The following YIF1B variants were observed in gnomAD, a reference collection of about 807,000 sequenced individuals.
YIF1B encodes the protein Yip1 interacting factor homolog B, membrane trafficking protein.
In YIF1B, 24 loss-of-function variants were observed where a neutral mutation model predicts 34.6. The observed-to-expected ratio is 0.69, with a 90% CI of 0.50 to 0.98. YIF1B has a LOEUF of 0.98. YIF1B is among the 50% of genes least tolerant of loss of function. YIF1B has a pLI of 0.00. For missense variants in YIF1B, 368 were observed against 429.4 expected, an observed-to-expected ratio of 0.86 and a Z score of 1.26; for synonymous variants, 186 against 184.8, an observed-to-expected ratio of 1.01 and a Z score of -0.05.
intron 5 of YIF1B, among the ~76,000 whole-genome samples, chr19:38,308,207 G>A (rs985002431): frequency 2.6e-5 from 4 of 152,218 alleles, no homozygotes; most frequent in Non-Finnish European, 4.4e-5. Context: ...AGGCTTCCCG[G>A]AGGAGGTGAT....
At position 38,312,729 on chromosome 19, in the gene YIF1B, C is replaced by T. The variant is rs1969372858; in HGVS notation, c.59-3086G>A. Among the ~76,000 whole-genome samples the T allele has an allele frequency of 2.0e-5, 3 of 152,228 alleles. No individual in the cohort carries two copies. The South Asian group carries it at 6.2e-4, about 31-fold the overall frequency. ...CACCTGGATGTTCTCATCTACACAA[C>T]GGAGTTAACTGTCCCACCTTGCAGA... On this transcript the variant is annotated intron_variant, in intron 1 of 7. Coordinates refer to ENST00000339413, the MANE Select transcript of YIF1B (RefSeq NM_001039672.3).
chr19:38,304,395 A>G lies in YIF1B; in HGVS notation c.*957T>C, dbSNP rs762121560. 3.2e-6 allele frequency: 5 copies of G among 1,576,896 alleles called. No individual in the cohort carries two copies. The African/African-American group carries it at 4.0e-5, about 13-fold the overall frequency. ...CACAGCCCTGGAGCCCACCTCCCAG[A>G]AGCCCGGTGTGGGGGCGGGCCACGG... On this transcript the variant is annotated 3_prime_UTR_variant, in exon 8 of 8. Transcript: ENST00000339413.
intron 5 of YIF1B, 75 bp downstream of exon 5, chr19:38,308,717 G>A: frequency 2.5e-6 from 4 of 1,582,212 alleles, no homozygotes; most frequent in Non-Finnish European, 8.7e-7. Context: ...CTGAGACCTT[G>A]GAACTGAGAC....
chr19:38,304,243 C>T lies in YIF1B; in HGVS notation c.*1109G>A, dbSNP rs1389556623. 13 of 1,613,532 alleles carry T rather than the reference C, an allele frequency of 8.1e-6. No individual in the cohort carries two copies. The Admixed American group carries it at 1.5e-4, about 19-fold the overall frequency. Reference sequence around the variant, plus strand: ...GGCCCAGGCGCCCTTGGCCTTAGGACCCAACTTCTCTTACCGCCATGGAGT... The same window carrying T: ...GGCCCAGGCGCCCTTGGCCTTAGGATCCAACTTCTCTTACCGCCATGGAGT... On this transcript the variant is annotated 3_prime_UTR_variant, in exon 8 of 8. Coordinates refer to ENST00000339413, the MANE Select transcript of YIF1B (RefSeq NM_001039672.3).
intron 3 of YIF1B, 61 bp from the exon 4 acceptor site, chr19:38,309,118 G>C: frequency 6.4e-7 from 1 of 1,561,570 alleles, no homozygotes; most frequent in Non-Finnish European, 8.7e-7. Context: ...CCTGCTACAG[G>C]CCCTCCTCCC....
rs750693087 is a variant in YIF1B, at chr19:38,315,901, A to G, written c.17T>C (p.Leu6Ser). 2.0e-6 allele frequency: 3 copies of G among 1,472,212 alleles called. No individual in the cohort carries two copies. Among genetic ancestry groups the G allele is most frequent in the Non-Finnish European group, 2.7e-6 (3 of 1,120,172 alleles). 91.2% of individuals were successfully genotyped at this position (1,472,212 alleles called of 1,614,324 possible). The change falls in exon 1 of 8, where the codon TTG (leucine) becomes TCG (serine). Residue 6 changes from leucine (L) to serine (S), a missense_variant. Transcript: ENST00000339413. MHPAG[L>S]AAAAAGTPRL... ...GGGCGTCCCCGCAGCCGCCGCCGCC[A>G]AGCCTGCCGGGTGCATCCTTCGCCG...
Position 38,315,845 on chromosome 19 carries a change from C to T in YIF1B, c.58+15G>A. On this transcript the variant is annotated intron_variant, in intron 1 of 7. Transcript: ENST00000339413. ...CACGCCCCCGCCCGCCCGATCTCCT[C>T]CGCCGGCCACGTACGCCACTTACGC... The T allele has an allele frequency of 6.6e-7, 1 of 1,505,642 alleles. No homozygotes were observed. The highest frequency in any genetic ancestry group is 8.8e-7 in the Non-Finnish European group (1 of 1,134,958). The allele number at this position is 1,505,642 out of a possible 1,614,324, so 93.3% of individuals were successfully genotyped here.
At chr19:38,318,193 CAAA>C (rs35748833), upstream of YIF1B, among the ~76,000 whole-genome samples, 2 of 29,874 alleles carry the variant, frequency 6.7e-5, no homozygotes, top group Non-Finnish European at 1.2e-4. Flanking sequence ...ACTCTTGTCT[CAAA>C]AAAAAAAAAA....
chr19:38,317,217 C>T (rs186754461), upstream of YIF1B: 637 of 152,484 alleles, frequency 4.2e-3, 9 homozygotes, highest in South Asian at 0.047. Flanking sequence ...CTCAGTCTCC[C>T]CCCTTCTCTC....
intron 5 of YIF1B, 121 bp from the exon 6 acceptor site, chr19:38,307,873 G>T: frequency 1.5e-6 from 2 of 1,293,842 alleles, no homozygotes; most frequent in Non-Finnish European, 2.1e-6. Flanking sequence ...AGATGGATGT[G>T]CGCGCTATCC....
chr19:38,304,981 C>T lies in YIF1B; in HGVS notation c.*371G>A, dbSNP rs370764536. On this transcript the variant is annotated 3_prime_UTR_variant, in exon 8 of 8. Coordinates refer to ENST00000339413, the MANE Select transcript of YIF1B (RefSeq NM_001039672.3). ...CCCCACTGAAGGGCCCTGGACAGGGCTCATTAAACCTTCCTCTCTGCCTTC... is the reference window on the plus strand; with the variant it reads ...CCCCACTGAAGGGCCCTGGACAGGGTTCATTAAACCTTCCTCTCTGCCTTC... 5.1e-6 allele frequency: 8 copies of T among 1,582,410 alleles called. No individual in the cohort carries two copies. Among genetic ancestry groups the T allele is most frequent in the Admixed American group, 1.8e-5 (1 of 54,340 alleles).
chr19:38,308,904 C>A, intron 4 of YIF1B, 55 bp from the exon 5 acceptor site: 2 of 1,613,552 alleles, frequency 1.2e-6, no homozygotes, highest in Non-Finnish European at 1.7e-6. Context: ...TGCCCTGGGC[C>A]TCCAGGCACC....
intron 1 of YIF1B, among the ~76,000 whole-genome samples, chr19:38,310,753 C>A (rs1467716930): frequency 6.6e-6 from 1 of 152,112 alleles, no homozygotes; most frequent in African/African-American, 2.4e-5. Flanking sequence ...AAGGCCGCTG[C>A]ACCAGCTGTG....
chr19:38,315,875 G>C lies in YIF1B; in HGVS notation c.43C>G (p.Arg15Gly). 6.7e-7 allele frequency: 1 copy of C among 1,483,974 alleles called. No individual in the cohort carries two copies. The highest frequency in any genetic ancestry group is 1.5e-5 in the African/African-American group (1 of 67,688). The allele number at this position is 1,483,974 out of a possible 1,614,324, so 91.9% of individuals were successfully genotyped here. ...GGCCACGTACGCCACTTACGCAGCC[G>C]GGGCGTCCCCGCAGCCGCCGCCGCC... ...GLAAAAAGTP[R>G]LRKWPSKRRI... Residue 15 changes from arginine to glycine, a missense_variant, in exon 1 of 8, where the codon CGG becomes GGG. Around this residue, in one of 3 missense-constraint regions of YIF1B, gnomAD observed 153 missense variants for 156.7 expected, o/e 0.98. Transcript: ENST00000339413.
rs1032909949 is a variant in YIF1B, at chr19:38,305,961, T to C, written c.790-454A>G. 2.6e-5 allele frequency among the ~76,000 whole-genome samples: 4 copies of C among 152,234 alleles called. No individual in the cohort carries two copies. In the East Asian group the frequency reaches 7.8e-4, roughly 30 times the overall value. ...GCTCACGCCTGTAATCCCAGCACTTTGGGAAGCCAAGGCGGGCGGATCACG... is the reference window on the plus strand; with the variant it reads ...GCTCACGCCTGTAATCCCAGCACTTCGGGAAGCCAAGGCGGGCGGATCACG... On this transcript the variant is annotated intron_variant, in intron 7 of 7. Transcript: ENST00000339413.
At position 38,304,699 on chromosome 19, in the gene YIF1B, C is replaced by A. The variant is rs894171155; in HGVS notation, c.*653G>T. 1 of 1,613,530 alleles carries A rather than the reference C, an allele frequency of 6.2e-7. No homozygotes were observed. The highest frequency in any genetic ancestry group is 1.7e-5 in the Admixed American group (1 of 60,006). ...CACGGATGTGAAGGTAAGGGGCTCT[C>A]GCCAGCGTCCCCAAGCACGTGCCCT... On this transcript the variant is annotated 3_prime_UTR_variant, in exon 8 of 8. Coordinates refer to ENST00000339413, the MANE Select transcript of YIF1B (RefSeq NM_001039672.3).
At position 38,304,739 on chromosome 19, in the gene YIF1B, C is replaced by A. The variant is rs748888832; in HGVS notation, c.*613G>T. The A allele has an allele frequency of 2.5e-6, 4 of 1,611,332 alleles. No homozygotes were observed. In the Admixed American group the frequency reaches 5.0e-5, roughly 20 times the overall value. ...GCACGTGCCCTGCACCCCAGAGAGG[C>A]GTCCCCGCACTGGGGCTGGCGGGGA... On this transcript the variant is annotated 3_prime_UTR_variant, in exon 8 of 8. Transcript: ENST00000339413.
rs188150439 is a variant in YIF1B, at chr19:38,306,745, G to A, written c.789+683C>T. 8.3e-4 allele frequency: 228 copies of A among 276,060 alleles called. 1 individual carries two copies. The highest frequency in any genetic ancestry group is 2.3e-3 in the Admixed American group (46 of 19,626). 17.1% of individuals were successfully genotyped at this position (276,060 alleles called of 1,614,324 possible). On this transcript the variant is annotated intron_variant, in intron 7 of 7. Transcript: ENST00000339413. Reference sequence around the variant, plus strand: ...CACCCAGGCTGGAGCGCAGGTGTGCGATCTCGGCTCACTGCAACCTCCACC... The same window carrying A: ...CACCCAGGCTGGAGCGCAGGTGTGCAATCTCGGCTCACTGCAACCTCCACC...
At chr19:38,320,795 G>A (rs1969643076), upstream of YIF1B, among the ~76,000 whole-genome samples, 2 of 152,076 alleles carry the variant, frequency 1.3e-5, no homozygotes, top group Admixed American at 1.3e-4. Flanking sequence ...CTGACTTCAG[G>A]TGATCAGCCC....
Sources: allele counts gnomAD v4.1 joint callset (sites outside exome capture counted in the v4.1 genomes callset), GRCh38; gene constraint gnomAD v4.1.1; regional missense constraint gnomAD v4.1.1; transcripts MANE v1.5; gene names NCBI Gene and HGNC (gene_info 2026-07-23, HGNC 2026-07-21).